C12orf42: variants seen among roughly 807,000 people sequenced by gnomAD.
C12orf42 encodes uncharacterized protein C12orf42.
Under a neutral mutation model 21.6 loss-of-function variants are expected in C12orf42, and 25 were observed. The ratio of observed to expected loss-of-function variants is 1.16; its 90% CI spans 0.84 to 1.62. C12orf42 has a LOEUF of 1.62. Among genes scored for constraint, C12orf42 ranks in the 40% most tolerant of loss-of-function variants. The pLI, the probability that C12orf42 is intolerant of heterozygous loss-of-function variation, is 0.00. For missense variants in C12orf42, 483 were observed against 459.3 expected, an observed-to-expected ratio of 1.05 and a Z score of -0.47; for synonymous variants, 174 against 175.0, an observed-to-expected ratio of 0.99 and a Z score of 0.05.
chr12:103,333,381 A>T (rs553233298), intron 4 of C12orf42, among the ~76,000 whole-genome samples: 2 of 152,370 alleles, frequency 1.3e-5, no homozygotes, highest in African/African-American at 4.8e-5. Flanking sequence ...TGCTCAATAA[A>T]TGTCAGTCAT....
intron 2 of C12orf42, among the ~76,000 whole-genome samples, chr12:103,474,008 C>T (rs370052937): frequency 6.6e-6 from 1 of 152,008 alleles, no homozygotes; most frequent in African/African-American, 2.4e-5. Flanking sequence ...GGTTTTTATT[C>T]CCTGAGTTTT....
chr12:103,095,333 C>T, the C12orf42 span, among the ~76,000 whole-genome samples: 3 of 152,194 alleles, frequency 2.0e-5, no homozygotes, highest in Non-Finnish European at 2.9e-5. Context: ...ACTTTATCTG[C>T]GACCTCTTTT....
the C12orf42 span, among the ~76,000 whole-genome samples, chr12:103,049,353 T>C: frequency 1.4e-4 from 21 of 152,206 alleles, no homozygotes; most frequent in Admixed American, 1.2e-3. Context: ...TGCTGATCCA[T>C]CAGCAAGTCC....
chr12:103,220,854 T>A, the C12orf42 span, among the ~76,000 whole-genome samples: 2 of 152,206 alleles, frequency 1.3e-5, no homozygotes, highest in African/African-American at 4.8e-5. Context: ...CTTGAACAAT[T>A]GCTCAAGGAA....
At chr12:103,307,692 C>G (rs921614935) in intron 4 of C12orf42, among the ~76,000 whole-genome samples, 2 of 151,848 alleles carry the variant, frequency 1.3e-5, no homozygotes, top group Admixed American at 6.6e-5. Flanking sequence ...AAGAGGCACA[C>G]AGAAAAAGGG....
chr12:103,552,309 G>A, the C12orf42 span, among the ~76,000 whole-genome samples: 6 of 152,168 alleles, frequency 3.9e-5, no homozygotes, highest in South Asian at 2.1e-4. Context: ...TATTTCCCCC[G>A]TTAGTCAGAG....
At chr12:103,310,884 T>C (rs918139316) in intron 4 of C12orf42, among the ~76,000 whole-genome samples, 3 of 152,238 alleles carry the variant, frequency 2.0e-5, no homozygotes, top group African/African-American at 7.2e-5. Flanking sequence ...GCTGGATCTC[T>C]TGATCTTAAA....
intron 10 of C12orf42, among the ~76,000 whole-genome samples, chr12:103,243,336 T>G (rs1464058149): frequency 2.6e-5 from 4 of 152,056 alleles, no homozygotes; most frequent in Admixed American, 2.6e-4. Flanking sequence ...CAGAAAATAT[T>G]ATTATATAAT....
intron 4 of C12orf42, among the ~76,000 whole-genome samples, chr12:103,333,992 A>C (rs1318134865): frequency 2.0e-5 from 3 of 152,234 alleles, no homozygotes; most frequent in Non-Finnish European, 2.9e-5. Context: ...CTTCTTAATT[A>C]AAATTTAAGT....
chr12:103,166,418 T>C, the C12orf42 span, among the ~76,000 whole-genome samples: 2 of 152,372 alleles, frequency 1.3e-5, no homozygotes, highest in East Asian at 1.9e-4. Flanking sequence ...ATAAATAGTT[T>C]GTGTATTTTA....
the C12orf42 span, among the ~76,000 whole-genome samples, chr12:103,092,035 GA>G: frequency 6.6e-6 from 1 of 152,142 alleles, no homozygotes; most frequent in Non-Finnish European, 1.5e-5. Context: ...AATATATGGG[GA>G]AAAGCAGATT....
At chr12:103,542,964 T>C in the C12orf42 span, among the ~76,000 whole-genome samples, 8 of 152,204 alleles carry the variant, frequency 5.3e-5, no homozygotes, top group Admixed American at 5.2e-4. Flanking sequence ...TCAGGAACCT[T>C]GCTTGGGTTT....
intron 4 of C12orf42, among the ~76,000 whole-genome samples, chr12:103,321,331 G>C (rs1169522792): frequency 6.6e-6 from 1 of 150,898 alleles, no homozygotes; most frequent in Non-Finnish European, 1.5e-5. Context: ...TCTCACGCCA[G>C]TTAGAATGGC....
rs574196274 is a variant in C12orf42 at position 103,381,177 on chromosome 12, T to A, written c.148-12179A>T. On this transcript the variant is annotated intron_variant, in intron 3 of 5. Coordinates refer to ENST00000548883, the MANE Select transcript of C12orf42 (RefSeq NM_198521.5). ...CTCAGGCACTAACAACTCCCCAACA[T>A]TGAGCAAATCACTAAACTGAACACT... Among the ~76,000 whole-genome samples, 3 of 152,282 alleles carry A rather than the reference T, an allele frequency of 2.0e-5. No homozygotes were observed. The South Asian group carries it at 6.2e-4, about 32-fold the overall frequency.
chr12:103,375,501 G>A (rs1048530744), intron 3 of C12orf42, among the ~76,000 whole-genome samples: 3 of 152,066 alleles, frequency 2.0e-5, no homozygotes, highest in African/African-American at 7.2e-5. Flanking sequence ...AACTTATAAT[G>A]ACCTAGTAAA....
At chr12:103,412,526 G>T (rs1346308895) in intron 2 of C12orf42, among the ~76,000 whole-genome samples, 1 of 152,136 alleles carries the variant, frequency 6.6e-6, no homozygotes, top group Non-Finnish European at 1.5e-5. Flanking sequence ...AAAATCAGCT[G>T]GGCATGGTGG....
downstream of C12orf42, among the ~76,000 whole-genome samples, chr12:103,264,050 CTCT>C (rs2136231790): frequency 6.6e-6 from 1 of 152,250 alleles, no homozygotes; most frequent in African/African-American, 2.4e-5. Flanking sequence ...TGTCCTCCTC[CTCT>C]TCTTTTCTTT....
At chr12:103,147,998 T>C in the C12orf42 span, among the ~76,000 whole-genome samples, 1 of 152,178 alleles carries the variant, frequency 6.6e-6, no homozygotes, top group Non-Finnish European at 1.5e-5. Context: ...CCTCCCTTTT[T>C]TATTAGTCAT....
upstream of C12orf42, among the ~76,000 whole-genome samples, chr12:103,497,907 C>T (rs941787936): frequency 4.6e-5 from 7 of 152,020 alleles, no homozygotes; most frequent in South Asian, 6.2e-4. Flanking sequence ...TGGTGGCACG[C>T]GCCCATAGTC....
Sources: gnomAD v4.1 joint callset for allele counts (sites outside exome capture counted in the v4.1 genomes callset) on GRCh38, gnomAD v4.1.1 for gene constraint, MANE v1.5 for transcripts, NCBI Gene and HGNC (gene_info 2026-07-23, HGNC 2026-07-21) for gene names.